GNA12: variants seen among roughly 807,000 people sequenced by gnomAD.
GNA12 encodes guanine nucleotide-binding protein subunit alpha-12.
GNA12 carries 9 observed loss-of-function variants against 26.0 expected under a neutral mutation model. The ratio of observed to expected loss-of-function variants is 0.35; its 90% CI spans 0.21 to 0.60. The LOEUF (loss-of-function observed/expected upper bound fraction) is 0.60. GNA12 is among the 20% of genes least tolerant of loss of function. The pLI, the probability that GNA12 is intolerant of heterozygous loss-of-function variation, is 0.78. For synonymous variants in GNA12, 264 were observed against 219.6 expected, an observed-to-expected ratio of 1.20 and a Z score of -1.79; for missense variants, 405 against 525.8, an observed-to-expected ratio of 0.77 and a Z score of 2.25.
chr7:2,825,600 G>A (rs1410307373), intron 1 of GNA12, among the ~76,000 whole-genome samples: 1 of 152,254 alleles, frequency 6.6e-6, no homozygotes, highest in Non-Finnish European at 1.5e-5. Context: ...TACAGCTACT[G>A]TGGTCATTTC....
At chr7:2,802,560 C>A (rs145920817) in intron 1 of GNA12, among the ~76,000 whole-genome samples, 2 of 152,204 alleles carry the variant, frequency 1.3e-5, no homozygotes, top group East Asian at 3.9e-4. Flanking sequence ...ACCAAAGCTA[C>A]GATAGACATA....
chr7:2,765,875 G>GCCCCCCCCCC (rs71026552), intron 2 of GNA12, among the ~76,000 whole-genome samples: 1 of 147,826 alleles, frequency 6.8e-6, no homozygotes, highest in African/African-American at 2.5e-5. Context: ...GTGATCCAGG[G>GCCCCCCCCCC]CCCCCCTCCC....
intron 2 of GNA12, among the ~76,000 whole-genome samples, chr7:2,757,248 G>A: frequency 7.4e-6 from 1 of 135,394 alleles, no homozygotes; most frequent in African/African-American, 2.8e-5. Context: ...CCATTCTCCT[G>A]CCTCAGCCTC....
chr7:2,817,869 C>G (rs1793251538), intron 1 of GNA12, among the ~76,000 whole-genome samples: 1 of 152,218 alleles, frequency 6.6e-6, no homozygotes, highest in South Asian at 2.1e-4. Context: ...TCTCCTCCTT[C>G]CATTCCTCCT....
At chr7:2,754,796 AAAATGACCGTT>A (rs1791212874) in intron 2 of GNA12, among the ~76,000 whole-genome samples, 1 of 152,162 alleles carries the variant, frequency 6.6e-6, no homozygotes, top group Non-Finnish European at 1.5e-5. Context: ...TGATGAAACA[AAAATGACCGTT>A]TCTCAAAATT....
chr7:2,786,593 A>G (rs1224971975), intron 2 of GNA12, among the ~76,000 whole-genome samples: 1 of 152,248 alleles, frequency 6.6e-6, no homozygotes, highest in Non-Finnish European at 1.5e-5. Flanking sequence ...CTAAGCATAT[A>G]GAAGTCTAAA....
chr7:2,794,891 A>T (rs1440253800), intron 2 of GNA12, 37 bp downstream of exon 2: 9 of 1,420,672 alleles, frequency 6.3e-6, no homozygotes, highest in Non-Finnish European at 9.0e-6. Context: ...TAAAAAACAC[A>T]CTATCAGGTG....
At position 2,839,922 on chromosome 7, in the gene GNA12, C is replaced by A. The variant is rs1401554010; in HGVS notation, c.309+3931G>T. Among the ~76,000 whole-genome samples the A allele has an allele frequency of 2.6e-5, 4 of 152,088 alleles. No homozygotes were observed. In the East Asian group the frequency reaches 7.7e-4, roughly 29 times the overall value. Reference sequence around the variant, plus strand: ...GCTGGGACAGGAGAATCGCTTGAACCCCGGGGCGGAGGTTGCAGTGAGCTG... The same window carrying A: ...GCTGGGACAGGAGAATCGCTTGAACACCGGGGCGGAGGTTGCAGTGAGCTG... On this transcript the variant is annotated intron_variant, in intron 1 of 3. Transcript: ENST00000275364.
intron 2 of GNA12, among the ~76,000 whole-genome samples, chr7:2,786,741 G>A (rs1471229286): frequency 6.6e-6 from 1 of 152,196 alleles, no homozygotes; most frequent in Admixed American, 6.5e-5. Flanking sequence ...GCACAGACCG[G>A]GACTGATGCT....
chr7:2,808,967 T>C (rs544411825), intron 1 of GNA12, among the ~76,000 whole-genome samples: 1 of 152,294 alleles, frequency 6.6e-6, no homozygotes, highest in South Asian at 2.1e-4. Flanking sequence ...TTGCCCCGGA[T>C]AGCCGCACGG....
At chr7:2,735,193 C>T (rs1040682081) in intron 2 of GNA12, among the ~76,000 whole-genome samples, 59 of 152,308 alleles carry the variant, frequency 3.9e-4, no homozygotes, top group Admixed American at 1.8e-3. Context: ...CCCTGGGCCT[C>T]GGGAGGTGCC....
At chr7:2,795,391 G>A (rs1583288539) in intron 1 of GNA12, among the ~76,000 whole-genome samples, 1 of 152,222 alleles carries the variant, frequency 6.6e-6, no homozygotes, top group East Asian at 1.9e-4. Context: ...TCCCCTTTGG[G>A]AGGCCAAAGA....
chr7:2,791,496 G>C (rs919195248), intron 2 of GNA12, among the ~76,000 whole-genome samples: 3 of 151,406 alleles, frequency 2.0e-5, no homozygotes, highest in Non-Finnish European at 1.5e-5. Flanking sequence ...TCCTCTTTTT[G>C]TTTCTATCTC....
At chr7:2,814,956 G>A (rs929819304) in intron 1 of GNA12, 4 of 1,568,296 alleles carry the variant, frequency 2.6e-6, no homozygotes, top group Non-Finnish European at 3.5e-6. Context: ...TACAGTAGGC[G>A]CTCTGCACTC....
chr7:2,773,794 C>G (rs183962900), intron 2 of GNA12, among the ~76,000 whole-genome samples: 1 of 152,188 alleles, frequency 6.6e-6, no homozygotes, highest in Non-Finnish European at 1.5e-5. Flanking sequence ...GCCTACATCT[C>G]TTCACCAAAA....
chr7:2,784,059 A>G (rs747690014), intron 2 of GNA12, among the ~76,000 whole-genome samples: 9 of 152,200 alleles, frequency 5.9e-5, no homozygotes, highest in Non-Finnish European at 7.3e-5. Flanking sequence ...CTAGTCCACT[A>G]TAACTAGAAG....
intron 1 of GNA12, among the ~76,000 whole-genome samples, chr7:2,820,444 C>G (rs1220347877): frequency 7.0e-6 from 1 of 142,520 alleles, no homozygotes; most frequent in African/African-American, 2.6e-5. Flanking sequence ...CATGGTGGCT[C>G]ATGCCTGTAA....
intron 1 of GNA12, among the ~76,000 whole-genome samples, chr7:2,834,647 T>G (rs1435969063): frequency 6.6e-6 from 1 of 152,236 alleles, no homozygotes; most frequent in African/African-American, 2.4e-5. Flanking sequence ...ACGCACTGCA[T>G]AATGATGTTT....
intron 2 of GNA12, among the ~76,000 whole-genome samples, chr7:2,787,037 C>T (rs534234688): frequency 6.6e-6 from 1 of 152,308 alleles, no homozygotes; most frequent in East Asian, 1.9e-4. Flanking sequence ...CACACAGAGG[C>T]AGCCTGGGCG....
Sources: allele counts gnomAD v4.1 joint callset (sites outside exome capture counted in the v4.1 genomes callset), GRCh38; gene constraint gnomAD v4.1.1; transcripts MANE v1.5; gene names NCBI Gene and HGNC (gene_info 2026-07-23, HGNC 2026-07-21).